CFAP221: variants seen among roughly 807,000 people sequenced by gnomAD.
The protein encoded by CFAP221 is cilia- and flagella-associated protein 221.
Under a neutral mutation model 113.1 loss-of-function variants are expected in CFAP221, and 97 were observed. The observed-to-expected ratio is 0.86, with a 90% CI of 0.73 to 1.02. The LOEUF (loss-of-function observed/expected upper bound fraction) is 1.02, where lower values mean the gene tolerates loss of function less well. CFAP221 is among the 50% of genes least tolerant of loss of function. The pLI, the probability that CFAP221 is intolerant of heterozygous loss-of-function variation, is 0.00. For synonymous variants in CFAP221, 331 were observed against 354.4 expected, an observed-to-expected ratio of 0.93 and a Z score of 0.74; for missense variants, 1,025 against 1,013.4, an observed-to-expected ratio of 1.01 and a Z score of -0.16.
chr2:119,560,302 A>G (rs760426027), intron 5 of CFAP221, among the ~76,000 whole-genome samples: 1 of 152,184 alleles, frequency 6.6e-6, no homozygotes, highest in Non-Finnish European at 1.5e-5. Context: ...CTAAAGCTTC[A>G]TCTATCATGT....
intron 22 of CFAP221, among the ~76,000 whole-genome samples, chr2:119,649,627 G>A (rs773813072): frequency 3.3e-5 from 5 of 152,176 alleles, no homozygotes; most frequent in Admixed American, 6.5e-5. Flanking sequence ...ATGCAGTCTC[G>A]TCTGCATGTC....
At chr2:119,566,810 T>C (rs1318815396) in intron 6 of CFAP221, among the ~76,000 whole-genome samples, 2 of 152,140 alleles carry the variant, frequency 1.3e-5, no homozygotes, top group Admixed American at 6.5e-5. Context: ...CTTTCAGAGA[T>C]GGGACTTCTG....
At position 119,562,214 on chromosome 2, in the gene CFAP221, C is replaced by G. The variant is rs376963251; in HGVS notation, c.527+100C>G. 3.0e-5 allele frequency: 20 copies of G among 660,388 alleles called. No homozygotes were observed. In the East Asian group the frequency reaches 4.3e-4, roughly 14 times the overall value. 40.9% of individuals were successfully genotyped at this position (660,388 alleles called of 1,614,324 possible). A position where few individuals can be genotyped will look rare whatever the true frequency, so the allele number is the denominator to read the frequency against. ...TTGTTTTTCCTAATGGAAGTTCATC[C>G]TTCCACCTGAAATAGACTGGACTTG... On this transcript the variant is annotated intron_variant, in intron 6 of 23. Transcript: ENST00000413369.
intron 6 of CFAP221, among the ~76,000 whole-genome samples, chr2:119,578,216 G>A (rs1331398877): frequency 1.3e-5 from 2 of 152,204 alleles, no homozygotes; most frequent in East Asian, 1.9e-4. Flanking sequence ...TAAGAAACAG[G>A]TACAGCATCA....
intron 6 of CFAP221, among the ~76,000 whole-genome samples, chr2:119,563,587 C>T (rs1681414571): frequency 6.6e-6 from 1 of 152,080 alleles, no homozygotes; most frequent in Admixed American, 6.5e-5. Context: ...GGGGTTAATA[C>T]CTAGCAATTT....
At chr2:119,611,309 T>C (rs1029570519) in intron 12 of CFAP221, among the ~76,000 whole-genome samples, 23 of 151,488 alleles carry the variant, frequency 1.5e-4, no homozygotes, top group Admixed American at 5.3e-4. Context: ...AAAGAAGGTA[T>C]CTACTTGGGA....
At chr2:119,655,449 C>G (rs1488390749) in intron 23 of CFAP221, among the ~76,000 whole-genome samples, 1 of 152,170 alleles carries the variant, frequency 6.6e-6, no homozygotes, top group Non-Finnish European at 1.5e-5. Context: ...CATCTTAATT[C>G]TCCATTTTCA....
chr2:119,613,552 T>C (rs546059930), intron 13 of CFAP221, among the ~76,000 whole-genome samples: 1 of 152,368 alleles, frequency 6.6e-6, no homozygotes, highest in African/African-American at 2.4e-5. Context: ...GGTTTGGGGC[T>C]TTCACCCTCT....
chr2:119,566,837 T>G (rs1200489053), intron 6 of CFAP221, among the ~76,000 whole-genome samples: 1 of 151,512 alleles, frequency 6.6e-6, no homozygotes, highest in Non-Finnish European at 1.5e-5. Context: ...CTTGCAGGGT[T>G]TTTTTTTTCC....
chr2:119,573,956 T>C (rs1000481618), intron 6 of CFAP221, among the ~76,000 whole-genome samples: 1 of 152,248 alleles, frequency 6.6e-6, no homozygotes, highest in African/African-American at 2.4e-5. Flanking sequence ...GCCACCTTGA[T>C]ATAGTCAACA....
Position 119,546,117 on chromosome 2 carries a change from A to G in CFAP221, c.-15A>G, listed in dbSNP as rs767471018. Reference sequence around the variant, plus strand: ...CCTTTGGCTCTAAAAAGAAGACTCCATTTTTCATGATAAAATGGCAGTGGT... The same window carrying G: ...CCTTTGGCTCTAAAAAGAAGACTCCGTTTTTCATGATAAAATGGCAGTGGT... On this transcript the variant is annotated 5_prime_UTR_variant, in exon 2 of 24. Transcript: ENST00000413369. The G allele has an allele frequency of 1.6e-5, 24 of 1,522,918 alleles. No homozygotes were observed. In the South Asian group the frequency reaches 2.6e-4, roughly 17 times the overall value. The allele number at this position is 1,522,918 out of a possible 1,614,324, so 94.3% of individuals were successfully genotyped here.
intron 21 of CFAP221, among the ~76,000 whole-genome samples, chr2:119,643,572 TCTCA>T (rs1460769583): frequency 6.6e-6 from 1 of 151,930 alleles, no homozygotes; most frequent in African/African-American, 2.4e-5. Context: ...TTAGATGGAG[TCTCA>T]CTCTGTCACC....
At chr2:119,611,305 G>A (rs1286233030) in intron 12 of CFAP221, among the ~76,000 whole-genome samples, 2 of 151,270 alleles carry the variant, frequency 1.3e-5, no homozygotes, top group Non-Finnish European at 2.9e-5. Flanking sequence ...ATAAAAAGAA[G>A]GTATCTACTT....
At chr2:119,581,387 C>T (rs114399428) in intron 6 of CFAP221, among the ~76,000 whole-genome samples, 2,203 of 152,088 alleles carry the variant, frequency 0.014, 65 homozygotes, top group African/African-American at 0.051. Context: ...ATAAAAAGAA[C>T]CATTTAGAAA....
chr2:119,604,515 C>T (rs1035584043), intron 8 of CFAP221, among the ~76,000 whole-genome samples, 157 bp from the exon 9 acceptor site: 6 of 152,058 alleles, frequency 3.9e-5, no homozygotes, highest in African/African-American at 1.4e-4. Flanking sequence ...ACTGACATCA[C>T]ATTTATTTTA....
intron 6 of CFAP221, among the ~76,000 whole-genome samples, chr2:119,564,311 C>T (rs966944459): frequency 3.9e-5 from 6 of 152,244 alleles, no homozygotes; most frequent in African/African-American, 1.4e-4. Flanking sequence ...CTCTCTGCCC[C>T]CTCCAGAGTG....
chr2:119,596,139 T>C (rs1249633325), intron 7 of CFAP221, among the ~76,000 whole-genome samples: 1 of 152,082 alleles, frequency 6.6e-6, no homozygotes, highest in Non-Finnish European at 1.5e-5. Context: ...AAAAAGTCTC[T>C]TTGGCTCCTG....
chr2:119,602,545 A>G lies in CFAP221; in HGVS notation c.791+1168A>G, dbSNP rs1684438127. On this transcript the variant is annotated intron_variant, in intron 8 of 23. Coordinates refer to ENST00000413369, the MANE Select transcript of CFAP221 (RefSeq NM_001271049.2). ...ATATTACAAGTGGAGTAGCAACCTT[A>G]TATCAAAATATGAACTCACTCCATG... The G allele has an allele frequency of 7.9e-6, 7 of 882,766 alleles. No homozygotes were observed. The Admixed American group carries it at 4.3e-4, about 55-fold the overall frequency. The allele number at this position is 882,766 out of a possible 1,614,324, so 54.7% of individuals were successfully genotyped here. A position where few individuals can be genotyped will look rare whatever the true frequency, so the allele number is the denominator to read the frequency against.
intron 6 of CFAP221, among the ~76,000 whole-genome samples, chr2:119,574,878 T>G (rs1682329630): frequency 6.6e-6 from 1 of 152,184 alleles, no homozygotes; most frequent in Non-Finnish European, 1.5e-5. Flanking sequence ...CACCCCAGAT[T>G]CTTATATACT....
Sources: gnomAD v4.1 joint callset for allele counts (sites outside exome capture counted in the v4.1 genomes callset) on GRCh38, gnomAD v4.1.1 for gene constraint, MANE v1.5 for transcripts, NCBI Gene and HGNC (gene_info 2026-07-23, HGNC 2026-07-21) for gene names.